Variants in FN1 observed in about 807,000 individuals in gnomAD.
FN1 encodes the protein fibronectin.
A neutral mutation model predicts 297.3 loss-of-function variants in FN1; 106 were observed. The ratio of observed to expected loss-of-function variants is 0.36; its 90% CI spans 0.30 to 0.42. The LOEUF is 0.42. Ranked by LOEUF, FN1 falls within the 10% of genes least tolerant of loss-of-function variation. The probability of loss-of-function intolerance (pLI) is 1.00; values close to 1 mark genes in which losing one functional copy is unlikely to be tolerated. For missense variants in FN1, 2,690 were observed against 3,124.9 expected, an observed-to-expected ratio of 0.86 and a Z score of 3.32; for synonymous variants, 1,149 against 1,152.6, an observed-to-expected ratio of 1.00 and a Z score of 0.06.
intron 5 of FN1, among the ~76,000 whole-genome samples, chr2:215,429,010 C>T (rs2065992339): frequency 6.6e-6 from 1 of 151,540 alleles, no homozygotes; most frequent in African/African-American, 2.4e-5. Context: ...GTGAGACTGT[C>T]TCAAAAACAA....
At chr2:215,383,569 T>C in intron 30 of FN1, 86 bp from the exon 31 acceptor site, 3 of 1,367,864 alleles carry the variant, frequency 2.2e-6, no homozygotes, top group Non-Finnish European at 3.1e-6. Context: ...GTCTGGTACA[T>C]ATTCGAATGA....
In FN1 at chr2:215,397,179, T is replaced by C. The variant is rs777412377; in HGVS notation, c.3562A>G (p.Thr1188Ala). Residue 1188 changes from threonine (T) to alanine (A), a missense_variant, in exon 23 of 46, where the codon ACT becomes GCT. Physicochemically the swap from Thr to Ala is moderately conservative, Grantham distance 58. This residue lies in a region of FN1 where 1,743 missense variants were observed against 1,945.2 expected (regional missense o/e 0.90). Transcript: ENST00000354785. ...TCCCAGGAGACTGTGAGCACTCCAG[T>C]GTCAGGGTTTGCCTCCAGATGCAAG... ...TNLHLEANPD[T>A]GVLTVSWERS... The C allele has an allele frequency of 2.5e-6, 4 of 1,614,022 alleles. No homozygotes were observed. The Admixed American group carries it at 6.7e-5, about 27-fold the overall frequency.
Position 215,372,262 on chromosome 2 carries a change from T to C in FN1, c.6361A>G (p.Thr2121Ala). The C allele has an allele frequency of 1.9e-6, 3 of 1,614,204 alleles. No individual in the cohort carries two copies. Among genetic ancestry groups the C allele is most frequent in the African/African-American group, 2.7e-5 (2 of 75,052 alleles). Residue 2121 changes from threonine (T) to alanine (A), a missense_variant, in exon 40 of 46, where the codon ACT (threonine) becomes GCT (alanine). By Grantham distance (58) the Thr-to-Ala change is moderately conservative (BLOSUM62 0). Around this residue, in one of 3 missense-constraint regions of FN1, gnomAD observed 1,743 missense variants for 1,945.2 expected, o/e 0.90. Coordinates refer to ENST00000354785, the MANE Select transcript of FN1 (RefSeq NM_212482.4). ...TPFVTHPGYD[T>A]GNGIQLPGTS... is the part of the protein sequence containing the mutation. Reference sequence around the variant, plus strand: ...CCAGGAAGCTGAATACCATTTCCAGTGTCATACCCAGGGTGGGTGACGAAA... The same window carrying C: ...CCAGGAAGCTGAATACCATTTCCAGCGTCATACCCAGGGTGGGTGACGAAA...
chr2:215,372,601 A>C lies in FN1; in HGVS notation c.6248-226T>G. ...TAGAAAGAAAAAAGTGTTAGTATGA[A>C]TTTATCATACACACAGCTTTAAACC... On this transcript the variant is annotated intron_variant, in intron 39 of 45. Transcript: ENST00000354785. The C allele has an allele frequency of 5.2e-6, 3 of 580,256 alleles. No individual in the cohort carries two copies. In the South Asian group the frequency reaches 6.0e-5, roughly 12 times the overall value. 35.9% of individuals were successfully genotyped at this position (580,256 alleles called of 1,614,324 possible). A position where few individuals can be genotyped will look rare whatever the true frequency, so the allele number is the denominator to read the frequency against.
chr2:215,430,771 A>G lies in FN1; in HGVS notation c.629T>C (p.Met210Thr). 1.9e-6 allele frequency: 3 copies of G among 1,614,180 alleles called. No individual in the cohort carries two copies. In the Admixed American group the frequency reaches 5.0e-5, roughly 27 times the overall value. The change falls in exon 5 of 46, where the codon ATG (methionine) becomes ACG (threonine). Residue 210 changes from methionine to threonine, a missense_variant. This residue lies in a region of FN1 where 876 missense variants were observed against 1,058.1 expected (regional missense o/e 0.83). Transcript: ENST00000354785. Reference sequence around the variant, plus strand: ...TTCTCCCAGGCAAGTACAATCTACCATCATCCAGCCTTGGTAGGGCTTCTC... The same window carrying G: ...TTCTCCCAGGCAAGTACAATCTACCGTCATCCAGCCTTGGTAGGGCTTCTC... ...TWEKPYQGWM[M>T]VDCTCLGEGS...
chr2:215,427,152 G>A (rs2065604116), intron 6 of FN1, among the ~76,000 whole-genome samples: 1 of 152,200 alleles, frequency 6.6e-6, no homozygotes, highest in African/African-American at 2.4e-5. Flanking sequence ...TGGGATTACA[G>A]GCGTGAGCCA....
In FN1 at chr2:215,425,117, T is replaced by C. The variant is rs2065104186; in HGVS notation, c.1013A>G (p.Asn338Ser). 5 of 1,614,116 alleles carry C rather than the reference T, an allele frequency of 3.1e-6. No homozygotes were observed. Among genetic ancestry groups the C allele is most frequent in the Middle Eastern group, 1.6e-4 (1 of 6,084 alleles). Residue 338 changes from asparagine to serine, a missense_variant, in exon 7 of 46, where the codon AAC (asparagine) becomes AGC (serine). Coordinates refer to ENST00000354785, the MANE Select transcript of FN1 (RefSeq NM_212482.4). ...ACCTGTCTCTTGGCAGCTGACTCCG[T>C]TGCCCAGGCACGTGCAAAGCATTTG... Reference protein sequence around the residue: ...NKQMLCTCLGNGVSCQETAVT... With the variant: ...NKQMLCTCLGSGVSCQETAVT...
intron 45 of FN1, 37 bp downstream of exon 45, chr2:215,361,932 G>A: frequency 6.2e-7 from 1 of 1,608,262 alleles, no homozygotes; most frequent in Non-Finnish European, 8.5e-7. Flanking sequence ...AGACTGTCTA[G>A]TATGAGGGAA....
chr2:215,406,645 G>T, intron 18 of FN1, 135 bp from the exon 19 acceptor site: 1 of 894,530 alleles, frequency 1.1e-6, no homozygotes, highest in South Asian at 1.4e-5. Context: ...CTCTTAATCA[G>T]ATCACATTTT....
At chr2:215,367,135 A>T (rs1429733284) in intron 42 of FN1, among the ~76,000 whole-genome samples, 2 of 152,248 alleles carry the variant, frequency 1.3e-5, no homozygotes, top group Admixed American at 1.3e-4. Flanking sequence ...CACCTATAAA[A>T]ATGAACCAAT....
chr2:215,387,551 A>G (rs1288167785), intron 27 of FN1, among the ~76,000 whole-genome samples: 1 of 152,228 alleles, frequency 6.6e-6, no homozygotes, highest in East Asian at 1.9e-4. Flanking sequence ...GCATTTTTCA[A>G]AAATGCACAA....
chr2:215,374,080 G>C (rs957408133), intron 38 of FN1, among the ~76,000 whole-genome samples: 15 of 152,144 alleles, frequency 9.9e-5, no homozygotes, highest in Admixed American at 7.9e-4. Context: ...ATTTGAAAGA[G>C]AGTCCTGCAG....
chr2:215,425,122 C>T lies in FN1; in HGVS notation c.1008G>A (p.Leu336=). 6.2e-7 allele frequency: 1 copy of T among 1,614,190 alleles called. No individual in the cohort carries two copies. Among genetic ancestry groups the T allele is most frequent in the Non-Finnish European group, 8.5e-7 (1 of 1,180,030 alleles). ...TCTCTTGGCAGCTGACTCCGTTGCC[C>T]AGGCACGTGCAAAGCATTTGCTTAT... ...QGNKQMLCTC[L]GNGVSCQETA... The change falls in exon 7 of 46, where the codon CTG becomes CTA. Residue 336 remains leucine, a synonymous_variant. Coordinates refer to ENST00000354785, the MANE Select transcript of FN1 (RefSeq NM_212482.4).
intron 40 of FN1, among the ~76,000 whole-genome samples, chr2:215,371,119 T>A (rs1333490733): frequency 3.2e-5 from 3 of 94,048 alleles, no homozygotes; most frequent in Admixed American, 1.6e-4. Flanking sequence ...AATACAAAAA[T>A]TAGCTGGGTG....
intron 36 of FN1, 55 bp downstream of exon 36, chr2:215,376,443 G>T (rs773646662): frequency 6.7e-7 from 1 of 1,501,874 alleles, no homozygotes; most frequent in Non-Finnish European, 9.3e-7. Context: ...TAATAAGCCC[G>T]TTTACATTGT....
At chr2:215,417,378 T>C (rs1196960457) in intron 12 of FN1, among the ~76,000 whole-genome samples, 2 of 152,210 alleles carry the variant, frequency 1.3e-5, no homozygotes, top group East Asian at 3.8e-4. Context: ...TAATTTCCAA[T>C]AGTAGTGTCC....
Position 215,393,132 on chromosome 2 carries a change from G to A in FN1, c.3868C>T (p.Leu1290=), listed in dbSNP as rs774794606. 6.8e-6 allele frequency: 11 copies of A among 1,613,912 alleles called. No individual in the cohort carries two copies. Among genetic ancestry groups the A allele is most frequent in the Admixed American group, 5.0e-5 (3 of 59,986 alleles). Residue 1290 remains leucine (L), a synonymous_variant, in exon 25 of 46, where the codon CTA becomes TTA. Transcript: ENST00000354785. Reference sequence around the variant, plus strand: ...TACCCAATAATGGTGGAAGAGTTTAGCGGGGTCCACCTCAGGCCGATGCTT... The same window carrying A: ...TACCCAATAATGGTGGAAGAGTTTAACGGGGTCCACCTCAGGCCGATGCTT... ...DSSIGLRWTP[L]NSSTIIGYRI...
In FN1 at chr2:215,361,061, T is replaced by G. The variant is rs1415230310; in HGVS notation, c.*494A>C. 2 of 156,958 alleles carry G rather than the reference T, an allele frequency of 1.3e-5. No individual in the cohort carries two copies. The highest frequency in any genetic ancestry group is 2.8e-5 in the Non-Finnish European group (2 of 70,564). The allele number at this position is 156,958 out of a possible 1,614,324, so 9.7% of individuals were successfully genotyped here. ...TAAATAACAGGTAAGAGAAAGATAT[T>G]TCTAGGCAATTACTAGGATCATTTG... On this transcript the variant is annotated 3_prime_UTR_variant, in exon 46 of 46. Coordinates refer to ENST00000354785, the MANE Select transcript of FN1 (RefSeq NM_212482.4).
chr2:215,379,570 G>A (rs371910255), intron 33 of FN1: 10 of 374,562 alleles, frequency 2.7e-5, no homozygotes, highest in Non-Finnish European at 4.8e-5. Context: ...AAAACTCTAA[G>A]AGATTTTAGG....
Sources: allele counts gnomAD v4.1 joint callset (sites outside exome capture counted in the v4.1 genomes callset), GRCh38; gene constraint gnomAD v4.1.1; regional missense constraint gnomAD v4.1.1; transcripts MANE v1.5; gene names NCBI Gene and HGNC (gene_info 2026-07-23, HGNC 2026-07-21).